LHCGR: variants seen among roughly 807,000 people sequenced by gnomAD.
LHCGR encodes lutropin-choriogonadotropic hormone receptor.
Under a neutral mutation model 60.7 loss-of-function variants are expected in LHCGR, and 55 were observed. The ratio of observed to expected loss-of-function variants is 0.91; its 90% confidence interval spans 0.73 to 1.13. LHCGR has a LOEUF of 1.13. Ranked by LOEUF, LHCGR falls within the 50% of genes most tolerant of loss-of-function variation. The pLI is 0.00. For synonymous variants in LHCGR, 337 were observed against 316.5 expected (o/e 1.06, Z -0.69); for missense variants, 862 against 836.0 (o/e 1.03, Z -0.38).
At chr2:48,754,164 T>A (rs567503572) in intron 1 of LHCGR, among the ~76,000 whole-genome samples, 1 of 152,204 alleles carries the variant, frequency 6.6e-6, no homozygotes, top group African/African-American at 2.4e-5. Context: ...GACAAGATAA[T>A]TAATGGAAAC....
chr2:48,748,487 T>C (rs1669807974), intron 1 of LHCGR, among the ~76,000 whole-genome samples: 1 of 152,208 alleles, frequency 6.6e-6, no homozygotes, highest in Non-Finnish European at 1.5e-5. Flanking sequence ...GAAATTAGAC[T>C]CAAGGCAATA....
At chr2:48,754,148 G>A (rs1670102401) in intron 1 of LHCGR, among the ~76,000 whole-genome samples, 1 of 152,134 alleles carries the variant, frequency 6.6e-6, no homozygotes, top group African/African-American at 2.4e-5. Context: ...TTCAGGGAAT[G>A]GACCTGACAA....
rs143900486 is a variant in LHCGR at position 48,739,518 on chromosome 2, T to C, written c.162-8220A>G. Reference sequence around the variant, plus strand: ...TGAGTTCATGTCCTTTGTAGGGACATGGATAAAGCTGGAAAGCATCATTCT... The same window carrying C: ...TGAGTTCATGTCCTTTGTAGGGACACGGATAAAGCTGGAAAGCATCATTCT... On this transcript the variant is annotated intron_variant, in intron 1 of 10. Coordinates refer to ENST00000294954, the MANE Select transcript of LHCGR (RefSeq NM_000233.4). Among the ~76,000 whole-genome samples, 1,280 of 152,248 alleles carry C rather than the reference T, an allele frequency of 8.4e-3. 23 individuals carry two copies. The highest frequency in any genetic ancestry group is 0.029 in the African/African-American group (1,201 of 41,546).
At chr2:48,737,165 G>A (rs1038165690) in intron 1 of LHCGR, among the ~76,000 whole-genome samples, 1 of 152,210 alleles carries the variant, frequency 6.6e-6, no homozygotes, top group East Asian at 1.9e-4. Context: ...CAGAAGTGAA[G>A]TGTTTTTATT....
chr2:48,750,127 C>T (rs1287344896), intron 1 of LHCGR, among the ~76,000 whole-genome samples: 1 of 152,072 alleles, frequency 6.6e-6, no homozygotes, highest in Admixed American at 6.6e-5. Flanking sequence ...TTTCTTAATT[C>T]TGAGATTTTT....
At chr2:48,702,368 C>G (rs1014043122) in intron 8 of LHCGR, among the ~76,000 whole-genome samples, 1 of 151,836 alleles carries the variant, frequency 6.6e-6, no homozygotes, top group Non-Finnish European at 1.5e-5. Flanking sequence ...CACCCATCAA[C>G]TTGTCATTTA....
At chr2:48,747,024 T>C (rs1669740327) in intron 1 of LHCGR, among the ~76,000 whole-genome samples, 1 of 152,156 alleles carries the variant, frequency 6.6e-6, no homozygotes, top group Admixed American at 6.5e-5. Flanking sequence ...TTTTTTAAAG[T>C]AACTGTGTAA....
In LHCGR at chr2:48,702,326, C is replaced by A. The variant is rs1190981082; in HGVS notation, c.681-3526G>T. 2.6e-5 allele frequency among the ~76,000 whole-genome samples: 4 copies of A among 151,284 alleles called. No homozygotes were observed. In the East Asian group the frequency reaches 5.8e-4, roughly 22 times the overall value. ...ATGTGCAAAACGTGCAGGTTTGTTACATAGGTATACATATGCCACGTTGGT... is the reference window on the plus strand; with the variant it reads ...ATGTGCAAAACGTGCAGGTTTGTTAAATAGGTATACATATGCCACGTTGGT... On this transcript the variant is annotated intron_variant, in intron 8 of 10. Coordinates refer to ENST00000294954, the MANE Select transcript of LHCGR (RefSeq NM_000233.4).
intron 1 of LHCGR, among the ~76,000 whole-genome samples, chr2:48,737,449 A>T (rs1195524313): frequency 6.6e-6 from 1 of 152,248 alleles, no homozygotes; most frequent in Middle Eastern, 3.2e-3. Flanking sequence ...CTTGTTCTAC[A>T]CTTAACAGTG....
chr2:48,697,671 G>A lies in LHCGR; in HGVS notation c.866+944C>T, dbSNP rs1218578007. 2.6e-5 allele frequency among the ~76,000 whole-genome samples: 4 copies of A among 152,136 alleles called. No individual in the cohort carries two copies. In the East Asian group the frequency reaches 7.7e-4, roughly 29 times the overall value. On this transcript the variant is annotated intron_variant, in intron 9 of 10. Coordinates refer to ENST00000294954, the MANE Select transcript of LHCGR (RefSeq NM_000233.4). ...CCAAACAAAGACAGCAGCATCTGGT[G>A]TCACTCTCTCAGTGCCTTATCTAAG...
chr2:48,698,895 G>A (rs1265230577), intron 8 of LHCGR, 95 bp from the exon 9 acceptor site: 5 of 1,003,478 alleles, frequency 5.0e-6, no homozygotes, highest in Non-Finnish European at 7.4e-6. Flanking sequence ...AGGCTGGAGT[G>A]CAGTGGCACG....
At chr2:48,735,640 G>A (rs997756580) in intron 1 of LHCGR, among the ~76,000 whole-genome samples, 6 of 152,172 alleles carry the variant, frequency 3.9e-5, no homozygotes, top group Admixed American at 1.3e-4. Flanking sequence ...TGGCACAGAC[G>A]GTGACCCTGT....
intron 1 of LHCGR, among the ~76,000 whole-genome samples, chr2:48,742,860 C>A (rs1199367167): frequency 1.1e-4 from 16 of 151,902 alleles, no homozygotes; most frequent in East Asian, 1.9e-4. Context: ...AACTGAAGGA[C>A]ATAGAGACAC....
chr2:48,699,849 C>T (rs1667322323), intron 8 of LHCGR, among the ~76,000 whole-genome samples: 1 of 152,212 alleles, frequency 6.6e-6, no homozygotes, highest in Admixed American at 6.5e-5. Context: ...ATTCCAAACA[C>T]ATTAAGTGTT....
At chr2:48,737,886 A>G (rs1669270027) in intron 1 of LHCGR, among the ~76,000 whole-genome samples, 1 of 152,224 alleles carries the variant, frequency 6.6e-6, no homozygotes, top group South Asian at 2.1e-4. Flanking sequence ...CAGAGAAAGA[A>G]TCTTAGGAAA....
At chr2:48,746,784 A>G (rs1233764888) in intron 1 of LHCGR, among the ~76,000 whole-genome samples, 1 of 152,228 alleles carries the variant, frequency 6.6e-6, no homozygotes, top group Admixed American at 6.5e-5. Flanking sequence ...CCCAATCTCT[A>G]TCTCCTTAAA....
At chr2:48,705,779 A>G (rs1044436109) in intron 8 of LHCGR, among the ~76,000 whole-genome samples, 20 of 151,232 alleles carry the variant, frequency 1.3e-4, no homozygotes, top group African/African-American at 4.4e-4. Context: ...GTTTGAGCCT[A>G]TGTGTGTCTT....
intron 8 of LHCGR, among the ~76,000 whole-genome samples, chr2:48,708,038 G>C (rs1227047925): frequency 2.0e-5 from 3 of 152,184 alleles, no homozygotes; most frequent in Admixed American, 2.0e-4. Flanking sequence ...TGTACCCACT[G>C]TCCAGCCAGT....
At chr2:48,744,553 T>C (rs1204485646) in intron 1 of LHCGR, among the ~76,000 whole-genome samples, 2 of 77,278 alleles carry the variant, frequency 2.6e-5, no homozygotes, top group East Asian at 3.5e-4. Context: ...TATCTACAAC[T>C]ATCTGATCTT....
Sources: gnomAD v4.1 joint callset for allele counts (sites outside exome capture counted in the v4.1 genomes callset) on GRCh38, gnomAD v4.1.1 for gene constraint, MANE v1.5 for transcripts, NCBI Gene and HGNC (gene_info 2026-07-23, HGNC 2026-07-21) for gene names.